The following ESR1 variants were observed in gnomAD, a reference collection of about 807,000 sequenced individuals.
ESR1 encodes the protein estrogen receptor 1, also known as estrogen receptor.
Under a neutral mutation model 52.7 loss-of-function variants are expected in ESR1, and 12 were observed. The observed-to-expected ratio is 0.23, with a 90% CI of 0.15 to 0.37. The LOEUF (loss-of-function observed/expected upper bound fraction) is 0.37, where lower values mean the gene tolerates loss of function less well. Among genes scored for constraint, ESR1 ranks in the 10% least tolerant of loss-of-function variants. ESR1 has a pLI of 1.00. For missense variants in ESR1, 584 were observed against 779.7 expected (o/e 0.75, Z 2.99); for synonymous variants, 305 against 316.8 (o/e 0.96, Z 0.39).
intron 6 of ESR1, among the ~76,000 whole-genome samples, chr6:152,070,268 G>A (rs1372717725): frequency 7.3e-6 from 1 of 137,146 alleles, no homozygotes; most frequent in African/African-American, 3.2e-5. Context: ...AAGAACTAGA[G>A]GTGCAATCAG....
At chr6:151,674,764 A>C (rs1187933926) in intron 1 of ESR1, among the ~76,000 whole-genome samples, 1 of 152,192 alleles carries the variant, frequency 6.6e-6, no homozygotes. Flanking sequence ...TTGATTTGCA[A>C]GGAAATTGCA....
chr6:151,765,605 A>G (rs934934773), intron 2 of ESR1, among the ~76,000 whole-genome samples: 1 of 152,280 alleles, frequency 6.6e-6, no homozygotes, highest in South Asian at 2.1e-4. Context: ...TTTTTAAAGC[A>G]TTAGTTCCAT....
In ESR1 at chr6:151,997,458, C is replaced by T. The variant is rs979929544; in HGVS notation, c.1097-14198C>T. Among the ~76,000 whole-genome samples, 3 of 151,978 alleles carry T rather than the reference C, an allele frequency of 2.0e-5. 1 individual carries two copies. In the South Asian group the frequency reaches 6.2e-4, roughly 32 times the overall value. ...AAAGGTTTAATTGTAATCATAGCCCCAGTGTTGCAAAATGAGTCAGAAGAT... is the reference window on the plus strand; with the variant it reads ...AAAGGTTTAATTGTAATCATAGCCCTAGTGTTGCAAAATGAGTCAGAAGAT... On this transcript the variant is annotated intron_variant, in intron 4 of 7. Coordinates refer to ENST00000206249, the MANE Select transcript of ESR1 (RefSeq NM_000125.4).
intron 4 of ESR1, among the ~76,000 whole-genome samples, chr6:151,953,479 T>G (rs2128562785): frequency 6.6e-6 from 1 of 152,030 alleles, no homozygotes; most frequent in South Asian, 2.1e-4. Flanking sequence ...TCCCAATACT[T>G]TGGAAGGCTG....
At chr6:151,969,394 A>C (rs2038660711) in intron 4 of ESR1, among the ~76,000 whole-genome samples, 1 of 152,162 alleles carries the variant, frequency 6.6e-6, no homozygotes, top group African/African-American at 2.4e-5. Flanking sequence ...ACCAAAATGG[A>C]GTTCTATATT....
At chr6:151,715,614 T>G (rs1177037705) in intron 2 of ESR1, among the ~76,000 whole-genome samples, 2 of 152,230 alleles carry the variant, frequency 1.3e-5, no homozygotes, top group African/African-American at 4.8e-5. Context: ...TTTCTTTTGC[T>G]TGATTGATTC....
At chr6:152,042,858 G>A (rs1220547045) in intron 5 of ESR1, among the ~76,000 whole-genome samples, 3 of 152,120 alleles carry the variant, frequency 2.0e-5, no homozygotes, top group East Asian at 1.9e-4. Flanking sequence ...TGACCTTTAC[G>A]GTAATTGCAC....
upstream of ESR1, among the ~76,000 whole-genome samples, chr6:151,800,969 C>A (rs1777177694): frequency 6.6e-6 from 1 of 151,828 alleles, no homozygotes; most frequent in African/African-American, 2.4e-5. Flanking sequence ...CTAAACTGCT[C>A]AAATCTCCTC....
chr6:152,023,846 G>C (rs967506351), intron 5 of ESR1, among the ~76,000 whole-genome samples: 2 of 152,136 alleles, frequency 1.3e-5, no homozygotes, highest in South Asian at 4.1e-4. Flanking sequence ...ATGGAAGTTA[G>C]CCTCATAGCA....
At chr6:151,766,120 T>G (rs1428149611) in intron 2 of ESR1, among the ~76,000 whole-genome samples, 1 of 152,192 alleles carries the variant, frequency 6.6e-6, no homozygotes, top group African/African-American at 2.4e-5. Flanking sequence ...TTGAAAGAAA[T>G]TAACAATAAA....
At chr6:151,898,194 A>AT (rs1043957231) in intron 3 of ESR1, among the ~76,000 whole-genome samples, 3 of 152,000 alleles carry the variant, frequency 2.0e-5, no homozygotes, top group African/African-American at 7.2e-5. Context: ...TTTGTGATGA[A>AT]TTTTTCAGGT....
intron 5 of ESR1, among the ~76,000 whole-genome samples, chr6:152,018,247 C>G (rs1201645856): frequency 6.6e-6 from 1 of 151,376 alleles, no homozygotes; most frequent in Non-Finnish European, 1.5e-5. Context: ...AAAAGTCATT[C>G]TCTACAAACA....
intron 2 of ESR1, among the ~76,000 whole-genome samples, chr6:151,758,535 C>T (rs1036019960): frequency 6.6e-6 from 1 of 151,802 alleles, no homozygotes; most frequent in Non-Finnish European, 1.5e-5. Context: ...CCAAAGTGGG[C>T]GGATCACCTG....
intron 1 of ESR1, among the ~76,000 whole-genome samples, chr6:151,831,838 C>T (rs917772341): frequency 6.6e-6 from 1 of 152,140 alleles, no homozygotes; most frequent in Admixed American, 6.6e-5. Flanking sequence ...TTGGCCAGCC[C>T]CTTTCACTTT....
chr6:151,983,508 A>C (rs1425351560), intron 4 of ESR1: 1 of 152,102 alleles, frequency 6.6e-6, no homozygotes, highest in Middle Eastern at 3.1e-3. Context: ...TGAAGCTTAG[A>C]TTTCCAGCTT....
chr6:151,742,051 A>G (rs1186283239), intron 2 of ESR1, among the ~76,000 whole-genome samples: 2 of 152,100 alleles, frequency 1.3e-5, no homozygotes. Flanking sequence ...GTCTTTGTTT[A>G]TTTCACTTAG....
chr6:151,694,795 CAA>C (rs71017507), intron 1 of ESR1, among the ~76,000 whole-genome samples: 1 of 139,126 alleles, frequency 7.2e-6, no homozygotes. Flanking sequence ...TAAAAAAAGA[CAA>C]AAAAAAAAAA....
At chr6:152,114,999 G>A (rs542883261) in intron 6 of ESR1, among the ~76,000 whole-genome samples, 1 of 151,046 alleles carries the variant, frequency 6.6e-6, no homozygotes, top group Non-Finnish European at 1.5e-5. Context: ...TAGCAACTTG[G>A]ATCTAAAAAA....
intron 5 of ESR1, among the ~76,000 whole-genome samples, chr6:152,030,590 A>G (rs1309954563): frequency 6.6e-6 from 1 of 152,220 alleles, no homozygotes; most frequent in Non-Finnish European, 1.5e-5. Flanking sequence ...AGAGCTAACT[A>G]TCCTAAATAT....
Sources: gnomAD v4.1 joint callset for allele counts (sites outside exome capture counted in the v4.1 genomes callset) on GRCh38, gnomAD v4.1.1 for gene constraint, MANE v1.5 for transcripts, NCBI Gene and HGNC (gene_info 2026-07-23, HGNC 2026-07-21) for gene names.